CAST: variants seen among roughly 807,000 people sequenced by gnomAD.
CAST encodes the protein calpastatin.
CAST carries 76 observed loss-of-function variants against 119.6 expected under a neutral mutation model. The observed-to-expected ratio is 0.64, with a 90% CI of 0.53 to 0.77. The LOEUF (loss-of-function observed/expected upper bound fraction) is 0.77, where lower values mean the gene tolerates loss of function less well. CAST is among the 30% of genes least tolerant of loss of function. CAST has a pLI of 0.00. For missense variants in CAST, 953 were observed against 946.5 expected (o/e 1.01, Z -0.09); for synonymous variants, 319 against 331.6 (o/e 0.96, Z 0.41).
intron 1 of CAST, among the ~76,000 whole-genome samples, chr5:96,591,128 C>A (rs1746955083): frequency 6.6e-6 from 1 of 152,184 alleles, no homozygotes; most frequent in Non-Finnish European, 1.5e-5. Flanking sequence ...TGACACCAAT[C>A]CCATAGTTCT....
chr5:96,719,560 C>T (rs944294313), intron 3 of CAST, among the ~76,000 whole-genome samples: 3 of 152,054 alleles, frequency 2.0e-5, no homozygotes, highest in African/African-American at 7.2e-5. Context: ...CTGACTTGTG[C>T]CTTAATTCAA....
chr5:95,986,169 T>C, the CAST span: 2 of 152,242 alleles, frequency 1.3e-5, no homozygotes, highest in African/African-American at 4.8e-5. Context: ...TTTGCTACCA[T>C]CATACTTGAG....
At chr5:96,268,179 A>G in the CAST span, among the ~76,000 whole-genome samples, 4 of 152,320 alleles carry the variant, frequency 2.6e-5, no homozygotes, top group South Asian at 6.2e-4. Context: ...GGAAGAGAGG[A>G]GTTTCAAGAC....
chr5:96,327,543 C>T, the CAST span, among the ~76,000 whole-genome samples: 1 of 152,222 alleles, frequency 6.6e-6, no homozygotes, highest in Non-Finnish European at 1.5e-5. Flanking sequence ...CGTTAATTCT[C>T]TCCCCTTGAA....
At chr5:96,273,906 C>G in the CAST span, among the ~76,000 whole-genome samples, 2 of 152,154 alleles carry the variant, frequency 1.3e-5, no homozygotes, top group African/African-American at 4.8e-5. Flanking sequence ...ATCCCTGTGC[C>G]TGTCATTCCT....
intron 2 of CAST, among the ~76,000 whole-genome samples, chr5:96,688,167 G>C (rs1014250347): frequency 1.3e-5 from 2 of 152,180 alleles, no homozygotes; most frequent in African/African-American, 4.8e-5. Flanking sequence ...CTTTCTGAAT[G>C]AGTACATGTT....
In CAST at chr5:96,741,326, C is replaced by T. The variant is rs769875058; in HGVS notation, c.979C>T (p.Pro327Ser). 3.1e-6 allele frequency: 5 copies of T among 1,612,640 alleles called. No homozygotes were observed. In the African/African-American group the frequency reaches 5.3e-5, roughly 17 times the overall value. The change falls in exon 14 of 32, where the codon CCT becomes TCT. Residue 327 changes from proline (P) to serine (S), a missense_variant. Transcript: ENST00000675179. ...GTCATCTGACTTCACCTGTGGGTCGCCTACAGCTGCTGGAAAGAAAACTGA... is the reference window on the plus strand; with the variant it reads ...GTCATCTGACTTCACCTGTGGGTCGTCTACAGCTGCTGGAAAGAAAACTGA... ...ALSSDFTCGS[P>S]TAAGKKTEKE...
At chr5:96,743,456 G>T in intron 16 of CAST, 1 of 798,674 alleles carries the variant, frequency 1.3e-6, no homozygotes, top group Non-Finnish European at 1.9e-6. Flanking sequence ...AGGTAGCCTG[G>T]GATCCCCAGG....
At chr5:96,223,586 G>A in the CAST span, among the ~76,000 whole-genome samples, 541 of 152,246 alleles carry the variant, frequency 3.6e-3, 6 homozygotes, top group Non-Finnish European at 3.0e-3. Flanking sequence ...GGCCTTGCTG[G>A]CACTTAGACT....
the CAST span, chr5:96,391,950 T>C: frequency 3.9e-5 from 6 of 152,198 alleles, no homozygotes; most frequent in African/African-American, 1.2e-4. Context: ...AGTGATAGGA[T>C]TGGAGAAGAA....
intron 2 of CAST, among the ~76,000 whole-genome samples, chr5:96,678,716 G>A (rs115301580): frequency 1.4e-3 from 212 of 152,052 alleles, no homozygotes; most frequent in African/African-American, 4.8e-3. Flanking sequence ...GCAAGGTGGC[G>A]CGCACCCGTA....
At chr5:96,452,609 T>C in the CAST span, among the ~76,000 whole-genome samples, 1 of 138,490 alleles carries the variant, frequency 7.2e-6, no homozygotes, top group Non-Finnish European at 1.5e-5. Flanking sequence ...ACCTGCACAT[T>C]CTGCACAGGT....
chr5:96,731,515 A>G (rs1272948393), intron 9 of CAST, among the ~76,000 whole-genome samples: 1 of 71,494 alleles, frequency 1.4e-5, no homozygotes, highest in East Asian at 3.2e-4. Flanking sequence ...ATTTATTTTC[A>G]TTATACTTTA....
chr5:96,258,717 T>C, the CAST span, among the ~76,000 whole-genome samples: 1 of 152,210 alleles, frequency 6.6e-6, no homozygotes, highest in Non-Finnish European at 1.5e-5. Context: ...CTTTGTCCTC[T>C]CCTAATAGCA....
chr5:96,168,395 C>T, the CAST span, among the ~76,000 whole-genome samples: 1 of 152,136 alleles, frequency 6.6e-6, no homozygotes, highest in South Asian at 2.1e-4. Context: ...GTGAGGAAAC[C>T]TCTTTCTGCC....
chr5:96,124,723 T>C, the CAST span, among the ~76,000 whole-genome samples: 1 of 152,180 alleles, frequency 6.6e-6, no homozygotes, highest in Non-Finnish European at 1.5e-5. Context: ...TCTGTACCTG[T>C]ATTTCTTAAT....
the CAST span, among the ~76,000 whole-genome samples, chr5:95,995,761 G>T: frequency 6.6e-6 from 1 of 152,054 alleles, no homozygotes; most frequent in Non-Finnish European, 1.5e-5. Context: ...CCTTTTGGGG[G>T]TTAGAATTTG....
rs528253381 is a variant in CAST at position 96,594,401 on chromosome 5, T to C, written c.60+64521T>C. Among the ~76,000 whole-genome samples, 38 of 152,342 alleles carry C rather than the reference T, an allele frequency of 2.5e-4. 1 individual carries two copies. The highest frequency in any genetic ancestry group is 2.3e-3 in the South Asian group (11 of 4,830). On this transcript the variant is annotated intron_variant, in intron 1 of 11. Coordinates refer to the CAST transcript ENST00000505143. ...AAACAGAAAAACAGTCGAGTTAGCCTTGTGGAGCATTTCTACTGTTCTGCC... is the reference window on the plus strand; with the variant it reads ...AAACAGAAAAACAGTCGAGTTAGCCCTGTGGAGCATTTCTACTGTTCTGCC...
chr5:96,392,890 AG>A, the CAST span: 2 of 1,089,486 alleles, frequency 1.8e-6, no homozygotes, highest in Non-Finnish European at 2.8e-6. Context: ...GGTGCCACAA[AG>A]GATATTATAA....
Sources: allele counts gnomAD v4.1 joint callset (sites outside exome capture counted in the v4.1 genomes callset), GRCh38; gene constraint gnomAD v4.1.1; transcripts MANE v1.5; gene names NCBI Gene and HGNC (gene_info 2026-07-23, HGNC 2026-07-21).